CPQ: variants seen among roughly 807,000 people sequenced by gnomAD.
CPQ encodes Ser-Met dipeptidase.
In CPQ, 37 loss-of-function variants were observed where a neutral mutation model predicts 45.7. The observed-to-expected ratio is 0.81, with a 90% CI of 0.62 to 1.07. CPQ has a LOEUF of 1.07. Among genes scored for constraint, CPQ ranks in the 50% least tolerant of loss-of-function variants. The pLI is 0.00. For synonymous variants in CPQ, 186 were observed against 205.8 expected (o/e 0.90, Z 0.82); for missense variants, 537 against 572.9 (o/e 0.94, Z 0.64).
chr8:96,866,086 C>T (rs1041976546), intron 3 of CPQ, among the ~76,000 whole-genome samples: 10 of 152,014 alleles, frequency 6.6e-5, no homozygotes, highest in Non-Finnish European at 1.5e-4. Context: ...GCCACAGAAC[C>T]TGGCTCAGCT....
At chr8:97,054,797 A>C (rs1482330391) in intron 6 of CPQ, among the ~76,000 whole-genome samples, 2 of 152,194 alleles carry the variant, frequency 1.3e-5, no homozygotes, top group Non-Finnish European at 2.9e-5. Flanking sequence ...TGAATGAAGG[A>C]TGAAAAACTA....
intron 1 of CPQ, among the ~76,000 whole-genome samples, chr8:96,724,925 G>C (rs1319734584): frequency 6.6e-6 from 1 of 152,100 alleles, no homozygotes; most frequent in Non-Finnish European, 1.5e-5. Context: ...CAGAAATAAA[G>C]CTGCACAACT....
intron 4 of CPQ, among the ~76,000 whole-genome samples, chr8:96,955,284 A>G (rs1032853604): frequency 2.6e-5 from 4 of 152,038 alleles, no homozygotes; most frequent in African/African-American, 7.2e-5. Flanking sequence ...TTTAATGATC[A>G]CCATTCTAAC....
intron 4 of CPQ, among the ~76,000 whole-genome samples, chr8:96,888,361 T>G (rs1466800746): frequency 6.6e-6 from 1 of 152,140 alleles, no homozygotes; most frequent in Non-Finnish European, 1.5e-5. Flanking sequence ...AGGAGGAACT[T>G]TGTCTGAAAA....
intron 5 of CPQ, among the ~76,000 whole-genome samples, chr8:96,986,547 C>CT (rs991551234): frequency 1.3e-5 from 2 of 152,042 alleles, no homozygotes; most frequent in Non-Finnish European, 1.5e-5. Context: ...AAACAAATCT[C>CT]TATTTTCAAA....
chr8:97,091,036 C>T (rs1371311078), intron 7 of CPQ, among the ~76,000 whole-genome samples: 1 of 152,064 alleles, frequency 6.6e-6, no homozygotes, highest in African/African-American at 2.4e-5. Context: ...TGGGGACCCA[C>T]GATGCATCTC....
At chr8:96,930,806 C>T (rs886364994) in intron 4 of CPQ, among the ~76,000 whole-genome samples, 16 of 152,200 alleles carry the variant, frequency 1.1e-4, no homozygotes, top group Admixed American at 5.2e-4. Flanking sequence ...GGAATGTCAG[C>T]AGATTTATAT....
chr8:96,990,101 C>T (rs552467542), intron 5 of CPQ, among the ~76,000 whole-genome samples: 28 of 152,264 alleles, frequency 1.8e-4, no homozygotes, highest in African/African-American at 6.5e-4. Flanking sequence ...TCACACCCTG[C>T]ACAGAGTGCC....
At chr8:96,850,843 A>C (rs1340736633) in intron 3 of CPQ, among the ~76,000 whole-genome samples, 1 of 152,130 alleles carries the variant, frequency 6.6e-6, no homozygotes, top group Non-Finnish European at 1.5e-5. Context: ...TCCTGACCTC[A>C]GGTCATCCAC....
chr8:96,768,997 AT>A (rs1214481973), intron 1 of CPQ, among the ~76,000 whole-genome samples: 3 of 152,210 alleles, frequency 2.0e-5, no homozygotes, highest in African/African-American at 7.2e-5. Flanking sequence ...GTAACCCATT[AT>A]TGCTGCATAG....
intron 5 of CPQ, among the ~76,000 whole-genome samples, chr8:96,970,461 AG>A (rs1380036594): frequency 6.6e-6 from 1 of 152,228 alleles, no homozygotes; most frequent in East Asian, 1.9e-4. Flanking sequence ...TTCATTTTAC[AG>A]AAGAGGAAAC....
intron 7 of CPQ, among the ~76,000 whole-genome samples, chr8:97,067,412 G>T (rs1810658110): frequency 1.3e-5 from 2 of 152,130 alleles, no homozygotes; most frequent in Non-Finnish European, 2.9e-5. Context: ...ATACACATAG[G>T]ATGCCTAACA....
At chr8:97,130,675 G>A (rs927147057) in intron 7 of CPQ, among the ~76,000 whole-genome samples, 8 of 151,996 alleles carry the variant, frequency 5.3e-5, no homozygotes, top group African/African-American at 1.9e-4. Flanking sequence ...ATTTCTTTGG[G>A]TCAAGATTTT....
chr8:96,796,101 C>T (rs1810923883), intron 2 of CPQ, among the ~76,000 whole-genome samples: 1 of 151,524 alleles, frequency 6.6e-6, no homozygotes, highest in African/African-American at 2.4e-5. Context: ...AATTGTTTTC[C>T]AGATTGTACA....
intron 5 of CPQ, among the ~76,000 whole-genome samples, chr8:96,979,050 TA>T (rs33942399): frequency 0.11 from 15,613 of 141,902 alleles, 1,840 homozygotes; most frequent in African/African-American, 0.3. Context: ...TAGGAAGTGG[TA>T]AAAAAAAAAA....
intron 1 of CPQ, among the ~76,000 whole-genome samples, chr8:96,656,631 G>C (rs1437155375): frequency 6.6e-6 from 1 of 152,174 alleles, no homozygotes; most frequent in Non-Finnish European, 1.5e-5. Context: ...CAACCCCTAT[G>C]ATCCACAGAA....
chr8:97,127,996 G>C (rs1267318924), intron 7 of CPQ, among the ~76,000 whole-genome samples: 2 of 152,198 alleles, frequency 1.3e-5, no homozygotes, highest in Admixed American at 6.5e-5. Flanking sequence ...GAAATGTTCT[G>C]TGTCTTATTG....
intron 4 of CPQ, among the ~76,000 whole-genome samples, chr8:96,905,385 A>G (rs55770401): frequency 0.019 from 2,832 of 152,310 alleles, 37 homozygotes; most frequent in Non-Finnish European, 0.028. Context: ...ATGTGGTTAC[A>G]GATGAAGGCA....
intron 5 of CPQ, among the ~76,000 whole-genome samples, chr8:97,006,193 A>C (rs1231679907): frequency 1.3e-5 from 2 of 152,186 alleles, no homozygotes; most frequent in African/African-American, 4.8e-5. Context: ...ATTTCAATAA[A>C]AGGGTGAAAA....
Sources: gnomAD v4.1 joint callset for allele counts (sites outside exome capture counted in the v4.1 genomes callset) on GRCh38, gnomAD v4.1.1 for gene constraint, MANE v1.5 for transcripts, NCBI Gene and HGNC (gene_info 2026-07-23, HGNC 2026-07-21) for gene names.